The following CISD3 variants were observed in gnomAD, a reference collection of about 807,000 sequenced individuals.
CISD3 encodes CDGSH iron-sulfur domain-containing protein 3, mitochondrial.
Under a neutral mutation model 14.1 loss-of-function variants are expected in CISD3, and 11 were observed. The ratio of observed to expected loss-of-function variants is 0.78; its 90% confidence interval spans 0.49 to 1.29. The LOEUF (loss-of-function observed/expected upper bound fraction) is 1.29, where lower values mean the gene tolerates loss of function less well. Among genes scored for constraint, CISD3 ranks in the 50% most tolerant of loss-of-function variants. The probability of loss-of-function intolerance (pLI) is 0.00; values close to 1 mark genes in which losing one functional copy is unlikely to be tolerated. For synonymous variants in CISD3, 53 were observed against 69.2 expected (o/e 0.77, Z 1.16); for missense variants, 156 against 171.6 (o/e 0.91, Z 0.51).
In CISD3 at chr17:38,733,753, CCT is replaced by C. The variant is rs1455121934; in HGVS notation, c.*303_*304del. 2 of 365,424 alleles carry C rather than the reference CCT, an allele frequency of 5.5e-6. No individual in the cohort carries two copies. Among genetic ancestry groups the C allele is most frequent in the Non-Finnish European group, 9.9e-6 (2 of 202,616 alleles). 22.6% of individuals were successfully genotyped at this position (365,424 alleles called of 1,614,324 possible). ...TGCTGCCTCCTGCTCCAGATTTTAACCTCTCTGTGGGCTGGGGGCACCTGACC... is the reference window on the plus strand; with the variant it reads ...TGCTGCCTCCTGCTCCAGATTTTAACCTCTGTGGGCTGGGGGCACCTGACC... On this transcript the variant is annotated 3_prime_UTR_variant, in exon 4 of 4. Transcript: ENST00000613478.
At chr17:38,730,710 G>C in intron 1 of CISD3, 50 bp from the exon 2 acceptor site, 1 of 1,547,550 alleles carries the variant, frequency 6.5e-7, no homozygotes, top group Non-Finnish European at 8.7e-7. Context: ...TTATTTTTCC[G>C]TTTCCAAACC....
chr17:38,735,491 C>G lies in CISD3; in HGVS notation c.*2036C>G. 1 of 1,593,632 alleles carries G rather than the reference C, an allele frequency of 6.3e-7. No homozygotes were observed. The highest frequency in any genetic ancestry group is 8.5e-7 in the Non-Finnish European group (1 of 1,170,410). ...GGGAGCCTTGTCGCTGACTGACTCA[C>G]ACTCGGACGCCCCGCTGGTGTTGGT... On this transcript the variant is annotated 3_prime_UTR_variant, in exon 4 of 4. Transcript: ENST00000613478.
Position 38,735,122 on chromosome 17 carries a change from G to A in CISD3, c.*1667G>A. 3 of 946,246 alleles carry A rather than the reference G, an allele frequency of 3.2e-6. No homozygotes were observed. Among genetic ancestry groups the A allele is most frequent in the Non-Finnish European group, 4.3e-6 (3 of 702,008 alleles). The allele number at this position is 946,246 out of a possible 1,614,324, so 58.6% of individuals were successfully genotyped here. A position where few individuals can be genotyped will look rare whatever the true frequency, so the allele number is the denominator to read the frequency against. ...ATAAAACCCGCCCCCCACCCCCAAG[G>A]TGGGAAGAGCTGGGGAAAGTAGAAG... On this transcript the variant is annotated 3_prime_UTR_variant, in exon 4 of 4. Coordinates refer to ENST00000613478, the MANE Select transcript of CISD3 (RefSeq NM_001136498.2).
chr17:38,730,886 T>TA, intron 2 of CISD3, 91 bp downstream of exon 2: 5 of 1,339,378 alleles, frequency 3.7e-6, no homozygotes, highest in African/African-American at 1.4e-5. Context: ...CTAGGAAGAG[T>TA]ACAGGCCTAT....
chr17:38,735,397 G>A lies in CISD3; in HGVS notation c.*1942G>A, dbSNP rs1446485638. 1.3e-6 allele frequency: 2 copies of A among 1,571,382 alleles called. No homozygotes were observed. Among genetic ancestry groups the A allele is most frequent in the South Asian group, 2.3e-5 (2 of 85,806 alleles). ...GGGTGGCTGGAGGCCCATGGGAACT[G>A]GGAGAGCCATGGGATGGGGTGGCTG... On this transcript the variant is annotated 3_prime_UTR_variant, in exon 4 of 4. Coordinates refer to ENST00000613478, the MANE Select transcript of CISD3 (RefSeq NM_001136498.2).
rs946843542 is a variant in CISD3 at position 38,734,556 on chromosome 17, ATTC to A, written c.*1104_*1106del. On this transcript the variant is annotated 3_prime_UTR_variant, in exon 4 of 4. Coordinates refer to ENST00000613478, the MANE Select transcript of CISD3 (RefSeq NM_001136498.2). Reference sequence around the variant, plus strand: ...AAAAAAAAAAGAGGCAGAACTATCTATTCTTTGCACAAAGTTTCCACTGCAAGA... The same window carrying A: ...AAAAAAAAAAGAGGCAGAACTATCTATTTGCACAAAGTTTCCACTGCAAGA... 1.7e-4 allele frequency: 26 copies of A among 151,814 alleles called. No homozygotes were observed. Among genetic ancestry groups the A allele is most frequent in the African/African-American group, 6.0e-4 (25 of 41,332 alleles). The allele number at this position is 151,814 out of a possible 1,614,324, so 9.4% of individuals were successfully genotyped here. A position where few individuals can be genotyped will look rare whatever the true frequency, so the allele number is the denominator to read the frequency against.
In CISD3 at chr17:38,735,459, C is replaced by A; in HGVS notation, c.*2004C>A. 5 of 1,588,778 alleles carry A rather than the reference C, an allele frequency of 3.1e-6. No homozygotes were observed. The highest frequency in any genetic ancestry group is 2.6e-6 in the Non-Finnish European group (3 of 1,167,526). On this transcript the variant is annotated 3_prime_UTR_variant, in exon 4 of 4. Transcript: ENST00000613478. ...GAGGAGGAGGTGGCTGGCAGGGTGG[C>A]AGGGCTGGGAGCCTTGTCGCTGACT...
Position 38,733,813 on chromosome 17 carries a change from G to A in CISD3, c.*358G>A, listed in dbSNP as rs576477429. The A allele has an allele frequency of 1.2e-4, 28 of 233,866 alleles. No individual in the cohort carries two copies. The highest frequency in any genetic ancestry group is 4.9e-4 in the African/African-American group (22 of 44,462). 14.5% of individuals were successfully genotyped at this position (233,866 alleles called of 1,614,324 possible). ...GGAGAGGGCAGTTCAGATTCATTCT[G>A]TATGGGGTCCCCAAGCCAGGCTAAA... On this transcript the variant is annotated 3_prime_UTR_variant, in exon 4 of 4. Transcript: ENST00000613478.
chr17:38,731,291 C>G, intron 2 of CISD3, 29 bp from the exon 3 acceptor site: 1 of 1,549,888 alleles, frequency 6.5e-7, no homozygotes, highest in Non-Finnish European at 8.7e-7. Flanking sequence ...TTGAGCTAAC[C>G]CTGAGCCCCT....
chr17:38,732,447 A>G (rs573093839), intron 3 of CISD3, among the ~76,000 whole-genome samples: 1 of 152,308 alleles, frequency 6.6e-6, no homozygotes. Context: ...AGTCTGGGCA[A>G]CAAAGTTGAG....
Position 38,730,939 on chromosome 17 carries a change from C to T in CISD3, c.84+144C>T, listed in dbSNP as rs548844423. Reference sequence around the variant, plus strand: ...TGGCTCTCAGGGAGGTGGGGCGGACCAGAGGGCACTGGGCAGGGCGCCAGT... The same window carrying T: ...TGGCTCTCAGGGAGGTGGGGCGGACTAGAGGGCACTGGGCAGGGCGCCAGT... On this transcript the variant is annotated intron_variant, in intron 2 of 3. Coordinates refer to ENST00000613478, the MANE Select transcript of CISD3 (RefSeq NM_001136498.2). The T allele has an allele frequency of 5.0e-5, 45 of 891,960 alleles. No individual in the cohort carries two copies. In the South Asian group the frequency reaches 6.2e-4, roughly 12 times the overall value. The allele number at this position is 891,960 out of a possible 1,614,324, so 55.3% of individuals were successfully genotyped here.
intron 2 of CISD3, chr17:38,730,996 A>G (rs1381076393): frequency 1.2e-5 from 8 of 648,292 alleles, no homozygotes; most frequent in Non-Finnish European, 1.6e-5. Context: ...CACCTAATGA[A>G]CCAAGCCCCA....
intron 3 of CISD3, among the ~76,000 whole-genome samples, chr17:38,732,982 G>A (rs184906601): frequency 6.8e-6 from 1 of 146,308 alleles, no homozygotes; most frequent in African/African-American, 2.7e-5. Flanking sequence ...CACTCTATTA[G>A]TGTCCTGGCC....
In CISD3 at chr17:38,731,612, C is replaced by T. The variant is rs530578953; in HGVS notation, c.204+173C>T. On this transcript the variant is annotated intron_variant, in intron 3 of 3. Coordinates refer to ENST00000613478, the MANE Select transcript of CISD3 (RefSeq NM_001136498.2). ...AGCAACCTTAAGCTCACTGCATCTA[C>T]CCCTTGCAATGAAGCCAGAGAGACA... is the stretch of plus-strand genomic sequence containing the variant. Among the ~76,000 whole-genome samples the T allele has an allele frequency of 1.2e-4, 18 of 152,322 alleles. No individual in the cohort carries two copies. The South Asian group carries it at 1.7e-3, about 14-fold the overall frequency.
rs754797963 is a variant in CISD3, at chr17:38,735,265, G to T, written c.*1810G>T. 2.7e-6 allele frequency: 4 copies of T among 1,467,102 alleles called. No individual in the cohort carries two copies. The highest frequency in any genetic ancestry group is 3.6e-6 in the Non-Finnish European group (4 of 1,098,824). 90.9% of individuals were successfully genotyped at this position (1,467,102 alleles called of 1,614,324 possible). A position where few individuals can be genotyped will look rare whatever the true frequency, so the allele number is the denominator to read the frequency against. On this transcript the variant is annotated 3_prime_UTR_variant, in exon 4 of 4. Transcript: ENST00000613478. The stretch of plus-strand genomic sequence containing the variant: ...CGGGAGCGCCGTTGACAGTCATCTT[G>T]CGCCCCCTGCTGGTGGAGGATGGTG...
chr17:38,730,440 C>G (rs548718233), intron 1 of CISD3, 34 bp downstream of exon 1: 15 of 1,308,356 alleles, frequency 1.1e-5, no homozygotes, highest in Non-Finnish European at 1.5e-5. Flanking sequence ...GCCCCCGTCC[C>G]GAACCCCAGC....
At position 38,735,517 on chromosome 17, in the gene CISD3, G is replaced by A; in HGVS notation, c.*2062G>A. 1.3e-6 allele frequency: 2 copies of A among 1,590,924 alleles called. No individual in the cohort carries two copies. The highest frequency in any genetic ancestry group is 1.1e-5 in the South Asian group (1 of 87,608). ...ACTCGGACGCCCCGCTGGTGTTGGT[G>A]CCCTCGGAGGGGGTGGGCACCGTGG... On this transcript the variant is annotated 3_prime_UTR_variant, in exon 4 of 4. Coordinates refer to ENST00000613478, the MANE Select transcript of CISD3 (RefSeq NM_001136498.2).
chr17:38,735,585 G>T lies in CISD3; in HGVS notation c.*2130G>T, dbSNP rs1322585642. ...CAGGCTGGCTGGACACGGTACTTGA[G>T]GGGGAGAGGCCCGTTCTGCGGGGAG... On this transcript the variant is annotated 3_prime_UTR_variant, in exon 4 of 4. Transcript: ENST00000613478. 2.5e-6 allele frequency: 4 copies of T among 1,576,196 alleles called. No individual in the cohort carries two copies. The highest frequency in any genetic ancestry group is 1.3e-5 in the African/African-American group (1 of 74,326).
At chr17:38,730,696 G>T in intron 1 of CISD3, 64 bp from the exon 2 acceptor site, 1 of 1,517,084 alleles carries the variant, frequency 6.6e-7, no homozygotes, top group South Asian at 1.2e-5. Context: ...CCTTTCCACT[G>T]ATTTTATTTT....
Sources: allele counts gnomAD v4.1 joint callset (sites outside exome capture counted in the v4.1 genomes callset), GRCh38; gene constraint gnomAD v4.1.1; transcripts MANE v1.5; gene names NCBI Gene and HGNC (gene_info 2026-07-23, HGNC 2026-07-21).